Variants in F8 observed in about 807,000 individuals in gnomAD.
F8 encodes coagulation factor VIII, also known as antihemophilic factor.
Under a neutral mutation model 140.6 loss-of-function variants are expected in F8, and 12 were observed. The ratio of observed to expected loss-of-function variants is 0.09; its 90% CI spans 0.05 to 0.14. F8 has a LOEUF of 0.14. Ranked by LOEUF, F8 falls within the 10% of genes least tolerant of loss-of-function variation. The probability of loss-of-function intolerance (pLI) is 1.00; values close to 1 mark genes in which losing one functional copy is unlikely to be tolerated. For synonymous variants in F8, 585 were observed against 614.6 expected, an observed-to-expected ratio of 0.95 and a Z score of 0.71; for missense variants, 1,354 against 1,720.7, an observed-to-expected ratio of 0.79 and a Z score of 3.77.
At chrX:154,941,470 C>G (rs1211041723) in intron 13 of F8, among the ~76,000 whole-genome samples, 4 of 111,069 alleles carry the variant, frequency 3.6e-5, no homozygotes, top group African/African-American at 1.3e-4. Context: ...AGCTAACTAT[C>G]CTAAATATAT....
intron 21 of F8, 119 bp from the exon 22 acceptor site, chrX:154,896,351 A>G (rs982935089): frequency 2.7e-6 from 2 of 750,213 alleles, no homozygotes; most frequent in Non-Finnish European, 4.0e-6. Context: ...TCATTACCTT[A>G]GGTGTGCAAG....
intron 25 of F8, among the ~76,000 whole-genome samples, chrX:154,838,833 A>G (rs1254424218): frequency 1.8e-5 from 2 of 110,911 alleles, no homozygotes; most frequent in Non-Finnish European, 3.8e-5. Flanking sequence ...GGCCATCTTC[A>G]TTCATCTAGC....
intron 13 of F8, among the ~76,000 whole-genome samples, chrX:154,946,739 A>G (rs2124080485): frequency 8.9e-6 from 1 of 111,846 alleles, no homozygotes; most frequent in South Asian, 3.7e-4. Context: ...ATATCAAGCC[A>G]TAAAGCTTCT....
chrX:155,007,416 G>C (rs2073682303), intron 1 of F8, among the ~76,000 whole-genome samples: 1 of 111,872 alleles, frequency 8.9e-6, no homozygotes, highest in Non-Finnish European at 1.9e-5. Context: ...TCTAGCTACT[G>C]TTGCCACCAA....
intron 10 of F8, among the ~76,000 whole-genome samples, chrX:154,957,993 G>T (rs2073374175): frequency 9.0e-6 from 1 of 111,248 alleles, no homozygotes; most frequent in South Asian, 3.9e-4. Flanking sequence ...GGGAGGGTAG[G>T]TAATAGAAGA....
intron 13 of F8, among the ~76,000 whole-genome samples, chrX:154,940,279 C>T (rs889816635): frequency 3.6e-5 from 4 of 111,321 alleles, no homozygotes; most frequent in South Asian, 7.6e-4. Flanking sequence ...AAAAATTAGA[C>T]GAATGGACAA....
intron 12 of F8, among the ~76,000 whole-genome samples, chrX:154,951,255 A>G (rs1296147336): frequency 2.7e-5 from 3 of 111,988 alleles, no homozygotes; most frequent in African/African-American, 9.7e-5. Context: ...AAATCCTACA[A>G]TTTTTTAAAA....
At chrX:154,848,295 C>A (rs6643710) in intron 25 of F8, among the ~76,000 whole-genome samples, 3 of 111,164 alleles carry the variant, frequency 2.7e-5, no homozygotes. Context: ...CTGGGAGAAC[C>A]ACTACTCTCT....
intron 13 of F8, among the ~76,000 whole-genome samples, chrX:154,942,345 A>G (rs1312538393): frequency 9.0e-6 from 1 of 110,878 alleles, no homozygotes; most frequent in African/African-American, 3.3e-5. Flanking sequence ...ATCACCACCA[A>G]TCCCACAGAA....
At chrX:154,904,175 G>T (rs1169961200) in intron 17 of F8, 87 bp from the exon 18 acceptor site, 1 of 1,103,818 alleles carries the variant, frequency 9.1e-7, no homozygotes, top group Non-Finnish European at 1.3e-6. Flanking sequence ...CATCTATGAG[G>T]ATTCCACTCC....
At position 154,896,170 on chromosome X, in the gene F8, G is replaced by T. The variant is rs1557275600; in HGVS notation, c.6336C>A (p.Phe2112Leu). The stretch of plus-strand genomic sequence containing the variant: ...TAAACTGAGAGATGTAGAGGCTGGA[G>T]AACTTCTGACGGGCACCCTGGGTCT... ...GIKTQGARQKFSSLYISQFII... is the reference protein window; with the variant it reads ...GIKTQGARQKLSSLYISQFII... Residue 2112 changes from phenylalanine (F) to leucine (L), a missense_variant, in exon 22 of 26, where the codon TTC becomes TTA. Transcript: ENST00000360256. 3.3e-6 allele frequency: 4 copies of T among 1,210,690 alleles called. No homozygotes were observed. The highest frequency in any genetic ancestry group is 3.5e-5 in the South Asian group (2 of 56,983).
Position 154,878,618 on chromosome X carries a change from T to C in F8, c.6430-15391A>G, listed in dbSNP as rs782523994. Among the ~76,000 whole-genome samples, 5 of 111,002 alleles carry C rather than the reference T, an allele frequency of 4.5e-5. No individual in the cohort carries two copies. The East Asian group carries it at 1.4e-3, about 31-fold the overall frequency. ...CTTTTACTGCTTCTATTCAAAATTG[T>C]ATTGGAAGTCTTAGCCAGAGCAATT... On this transcript the variant is annotated intron_variant, in intron 22 of 25. Coordinates refer to ENST00000360256, the MANE Select transcript of F8 (RefSeq NM_000132.4).
chrX:154,949,094 C>T (rs1450705570), intron 12 of F8, among the ~76,000 whole-genome samples: 1 of 111,784 alleles, frequency 8.9e-6, no homozygotes, highest in African/African-American at 3.2e-5. Context: ...AAAATAGATT[C>T]CACTTCATTT....
chrX:154,990,150 A>T (rs965543157), intron 4 of F8, among the ~76,000 whole-genome samples: 2 of 111,742 alleles, frequency 1.8e-5, no homozygotes, highest in Non-Finnish European at 3.8e-5. Context: ...TCTGTTTTTA[A>T]TTGGTGTGTT....
At chrX:154,987,728 AT>A (rs1185068565) in intron 4 of F8, among the ~76,000 whole-genome samples, 4 of 111,617 alleles carry the variant, frequency 3.6e-5, no homozygotes, top group South Asian at 3.7e-4. Flanking sequence ...TATACTCATG[AT>A]TTTTTTTCAA....
At chrX:154,950,215 C>T (rs1181372887) in intron 12 of F8, among the ~76,000 whole-genome samples, 3 of 112,088 alleles carry the variant, frequency 2.7e-5, no homozygotes, top group Middle Eastern at 4.6e-3. Context: ...CATATTAATT[C>T]TAGGGGACAT....
chrX:154,961,892 C>T (rs1297088104), intron 9 of F8, among the ~76,000 whole-genome samples: 3 of 111,486 alleles, frequency 2.7e-5, no homozygotes, highest in Non-Finnish European at 3.8e-5. Flanking sequence ...TCATAACAAC[C>T]GAGAAGCATT....
At chrX:154,945,283 C>G (rs1182954633) in intron 13 of F8, among the ~76,000 whole-genome samples, 2 of 111,337 alleles carry the variant, frequency 1.8e-5, no homozygotes, top group Admixed American at 9.6e-5. Flanking sequence ...CCAAACCAGA[C>G]AAAGACACAC....
At chrX:154,893,427 TGAAA>T (rs1310811024) in intron 22 of F8, among the ~76,000 whole-genome samples, 1 of 112,503 alleles carries the variant, frequency 8.9e-6, no homozygotes, top group African/African-American at 3.2e-5. Context: ...AGAAACATCC[TGAAA>T]GAGAGAATTG....
Sources: allele counts gnomAD v4.1 joint callset (sites outside exome capture counted in the v4.1 genomes callset), GRCh38; gene constraint gnomAD v4.1.1; transcripts MANE v1.5; gene names NCBI Gene and HGNC (gene_info 2026-07-23, HGNC 2026-07-21).